SMARCC1: variants seen among roughly 807,000 people sequenced by gnomAD.
SMARCC1 encodes the protein SWI/SNF complex subunit SMARCC1.
Under a neutral mutation model 147.4 loss-of-function variants are expected in SMARCC1, and 43 were observed. The observed-to-expected ratio is 0.29, with a 90% CI of 0.23 to 0.38. The LOEUF (loss-of-function observed/expected upper bound fraction) is 0.38, where lower values mean the gene tolerates loss of function less well. SMARCC1 is among the 10% of genes least tolerant of loss of function. The probability of loss-of-function intolerance (pLI) is 1.00; values close to 1 mark genes in which losing one functional copy is unlikely to be tolerated. For synonymous variants in SMARCC1, 495 were observed against 484.4 expected, an observed-to-expected ratio of 1.02 and a Z score of -0.29; for missense variants, 1,119 against 1,381.1, an observed-to-expected ratio of 0.81 and a Z score of 3.01.
chr3:47,641,628 A>C (rs895349215), intron 21 of SMARCC1, among the ~76,000 whole-genome samples: 3 of 152,258 alleles, frequency 2.0e-5, no homozygotes, highest in Admixed American at 2.0e-4. Context: ...CTATAAAACT[A>C]CCATATAAAA....
intron 10 of SMARCC1, among the ~76,000 whole-genome samples, chr3:47,702,246 A>AAAAC (rs1553685131): frequency 1.3e-5 from 2 of 150,662 alleles, no homozygotes; most frequent in African/African-American, 2.4e-5. Flanking sequence ...AAAAAAAAAA[A>AAAAC]CCCCAGTGAT....
intron 7 of SMARCC1, among the ~76,000 whole-genome samples, chr3:47,720,394 T>C (rs2034216503): frequency 6.6e-6 from 1 of 152,152 alleles, no homozygotes; most frequent in African/African-American, 2.4e-5. Context: ...AGTGCTGGGA[T>C]TACAAGCATG....
rs1410399138 is a variant in SMARCC1, at chr3:47,780,173, T to TG, written c.195+1429_195+1430insC. Among the ~76,000 whole-genome samples the TG allele has an allele frequency of 2.5e-3, 337 of 135,300 alleles. 1 individual carries two copies. Among genetic ancestry groups the TG allele is most frequent in the African/African-American group, 8.4e-3 (309 of 36,972 alleles). 88.8% of individuals were successfully genotyped at this position (135,300 alleles called of 152,430 possible). A position where few individuals can be genotyped will look rare whatever the true frequency, so the allele number is the denominator to read the frequency against. On this transcript the variant is annotated intron_variant, in intron 1 of 27. Transcript: ENST00000254480. ...TGGGTCTTTGGTTTTTTTTTGTTTT[T>TG]TTTTTTTTTTTTTTTTTGGAGACAG...
rs901784915 is a variant in SMARCC1 at position 47,780,325 on chromosome 3, C to A, written c.195+1278G>T. Among the ~76,000 whole-genome samples the A allele has an allele frequency of 2.0e-5, 3 of 151,784 alleles. No homozygotes were observed. The East Asian group carries it at 5.8e-4, about 29-fold the overall frequency. The stretch of plus-strand genomic sequence containing the variant: ...TAGCTGGGATTACAGGCATGTGCTG[C>A]CACACCCGACTAATTTTGTATTTTT... On this transcript the variant is annotated intron_variant, in intron 1 of 27. Coordinates refer to ENST00000254480, the MANE Select transcript of SMARCC1 (RefSeq NM_003074.4).
intron 21 of SMARCC1, among the ~76,000 whole-genome samples, chr3:47,654,141 C>A (rs1327882146): frequency 6.6e-6 from 1 of 152,224 alleles, no homozygotes; most frequent in Admixed American, 6.5e-5. Context: ...ACACATCCCT[C>A]ATTTGGCAAA....
intron 11 of SMARCC1, among the ~76,000 whole-genome samples, chr3:47,694,752 T>C (rs1179733854): frequency 2.6e-5 from 4 of 152,190 alleles, no homozygotes; most frequent in African/African-American, 7.2e-5. Context: ...TAGATGAAAA[T>C]AGTGATTTGA....
intron 2 of SMARCC1, among the ~76,000 whole-genome samples, chr3:47,765,652 C>T (rs1052854987): frequency 3.3e-5 from 5 of 152,122 alleles, no homozygotes; most frequent in Admixed American, 6.6e-5. Context: ...AAGATAGTCT[C>T]TCCATTCTGA....
At chr3:47,674,038 GT>G (rs1262728736) in intron 18 of SMARCC1, among the ~76,000 whole-genome samples, 1 of 152,188 alleles carries the variant, frequency 6.6e-6, no homozygotes, top group African/African-American at 2.4e-5. Flanking sequence ...GTCCCAAACT[GT>G]TGTGTCAAAT....
At chr3:47,654,075 A>G (rs1425527481) in intron 21 of SMARCC1, among the ~76,000 whole-genome samples, 1 of 152,246 alleles carries the variant, frequency 6.6e-6, no homozygotes, top group African/African-American at 2.4e-5. Context: ...TTTCATAGCC[A>G]CTAATGCTCT....
Position 47,639,836 on chromosome 3 carries a change from A to G in SMARCC1, c.2321-1056T>C, listed in dbSNP as rs568550399. 3.3e-5 allele frequency among the ~76,000 whole-genome samples: 5 copies of G among 152,336 alleles called. No individual in the cohort carries two copies. In the South Asian group the frequency reaches 1.0e-3, roughly 32 times the overall value. ...ATAAAGGATTTGAATACACCTCTCA[A>G]TAAGATATAGAGCAGATATGAACAC... On this transcript the variant is annotated intron_variant, in intron 21 of 27. Coordinates refer to ENST00000254480, the MANE Select transcript of SMARCC1 (RefSeq NM_003074.4).
chr3:47,644,569 A>G (rs966004505), intron 21 of SMARCC1, among the ~76,000 whole-genome samples: 18 of 152,116 alleles, frequency 1.2e-4, no homozygotes, highest in Admixed American at 5.9e-4. Flanking sequence ...GTGCAGTAAC[A>G]TGCTCCCAGC....
At chr3:47,639,383 T>C (rs1576395758) in intron 21 of SMARCC1, among the ~76,000 whole-genome samples, 1 of 152,098 alleles carries the variant, frequency 6.6e-6, no homozygotes, top group Admixed American at 6.6e-5. Context: ...AAATTATTAA[T>C]TTTCTACACT....
chr3:47,667,283 A>C (rs1478637814), intron 19 of SMARCC1, among the ~76,000 whole-genome samples: 6 of 150,942 alleles, frequency 4.0e-5, no homozygotes, highest in African/African-American at 1.5e-4. Flanking sequence ...ACGCCACTGC[A>C]CTCCAGCCTG....
intron 10 of SMARCC1, among the ~76,000 whole-genome samples, chr3:47,702,427 G>A (rs1033757352): frequency 2.6e-5 from 4 of 152,166 alleles, no homozygotes; most frequent in Non-Finnish European, 5.9e-5. Context: ...GAAGGTCAGA[G>A]TTAAGCTGAA....
At position 47,781,676 on chromosome 3, in the gene SMARCC1, T is replaced by C; in HGVS notation, c.122A>G (p.Lys41Arg). The change falls in exon 1 of 28, where the codon AAG becomes AGG. Residue 41 changes from lysine to arginine, a missense_variant. By Grantham distance (26) the Lys-to-Arg change is conservative. Transcript: ENST00000254480. ...CACCGTCTCCGGGCTCTCCCAAAACTTGGTGGCCGGGCCCCCATCCTTCCG... is the reference window on the plus strand; with the variant it reads ...CACCGTCTCCGGGCTCTCCCAAAACCTGGTGGCCGGGCCCCCATCCTTCCG... Reference protein sequence around the residue: ...YRRKDGGPATKFWESPETVSQ... With the variant: ...YRRKDGGPATRFWESPETVSQ... 6.4e-7 allele frequency: 1 copy of C among 1,559,512 alleles called. No homozygotes were observed. Among genetic ancestry groups the C allele is most frequent in the Non-Finnish European group, 8.6e-7 (1 of 1,156,642 alleles).
intron 1 of SMARCC1, among the ~76,000 whole-genome samples, chr3:47,777,151 G>A (rs992455253): frequency 1.3e-4 from 20 of 150,022 alleles, no homozygotes; most frequent in Admixed American, 6.7e-4. Context: ...GCGTAATCTC[G>A]GCTCACTTGC....
chr3:47,773,186 G>A (rs1015834832), intron 1 of SMARCC1, among the ~76,000 whole-genome samples: 2 of 151,784 alleles, frequency 1.3e-5, no homozygotes, highest in Non-Finnish European at 2.9e-5. Context: ...GGAGTGCAGC[G>A]GTGCAATCTC....
chr3:47,598,589 G>T (rs556693913), intron 26 of SMARCC1, among the ~76,000 whole-genome samples: 1 of 152,060 alleles, frequency 6.6e-6, no homozygotes, highest in South Asian at 2.1e-4. Flanking sequence ...CAGTACTTTG[G>T]GAGGCTGAGG....
chr3:47,636,768 A>C (rs560187662), intron 22 of SMARCC1, among the ~76,000 whole-genome samples: 16 of 149,172 alleles, frequency 1.1e-4, no homozygotes, highest in African/African-American at 3.5e-4. Context: ...AAACAACAAC[A>C]ACCACAACAA....
Sources: allele counts gnomAD v4.1 joint callset (sites outside exome capture counted in the v4.1 genomes callset), GRCh38; gene constraint gnomAD v4.1.1; transcripts MANE v1.5; gene names NCBI Gene and HGNC (gene_info 2026-07-23, HGNC 2026-07-21).